Variants in KIF1A observed in about 807,000 individuals in gnomAD.
The protein encoded by KIF1A is kinesin-like protein KIF1A.
A neutral mutation model predicts 227.3 loss-of-function variants in KIF1A; 46 were observed. The ratio of observed to expected loss-of-function variants is 0.20; its 90% CI spans 0.16 to 0.26. The LOEUF is 0.26. Ranked by LOEUF, KIF1A falls within the 10% of genes least tolerant of loss-of-function variation. KIF1A has a pLI of 1.00. For synonymous variants in KIF1A, 1,022 were observed against 1,012.8 expected, an observed-to-expected ratio of 1.01 and a Z score of -0.17; for missense variants, 1,683 against 2,485.9, an observed-to-expected ratio of 0.68 and a Z score of 6.87.
chr2:240,720,875 G>A (rs2045278697), intron 45 of KIF1A, 39 bp downstream of exon 45: 1 of 1,520,484 alleles, frequency 6.6e-7, no homozygotes, highest in Non-Finnish European at 8.9e-7. Flanking sequence ...GGTCAGCCGT[G>A]GTGCCAGAAG....
At chr2:240,771,275 C>T (rs745544218) in intron 14 of KIF1A, 171 bp from the exon 15 acceptor site, 26 of 799,720 alleles carry the variant, frequency 3.3e-5, no homozygotes, top group Non-Finnish European at 5.1e-5. Context: ...CCAGAGAAGG[C>T]AAGAAACAGA....
In KIF1A at chr2:240,786,449, T is replaced by C; in HGVS notation, c.494A>G (p.Asn165Ser). ...RDLLNPKNKG[N>S]LRVREHPLLG... Reference sequence around the variant, plus strand: ...CAGTGGGTGCTCCCTCACGCGAAGGTTGCCCTTGTTCTTGGGGTTCAGGAG... The same window carrying C: ...CAGTGGGTGCTCCCTCACGCGAAGGCTGCCCTTGTTCTTGGGGTTCAGGAG... The change falls in exon 6 of 49, where the codon AAC (asparagine) becomes AGC (serine). Residue 165 changes from asparagine (N) to serine (S), a missense_variant. Physicochemically the swap from Asn to Ser is conservative, Grantham distance 46 (BLOSUM62 1). Transcript: ENST00000498729. The C allele has an allele frequency of 5.6e-6, 9 of 1,613,586 alleles. No homozygotes were observed. The highest frequency in any genetic ancestry group is 7.6e-6 in the Non-Finnish European group (9 of 1,179,758).
At chr2:240,748,013 G>A (rs1292910790) in intron 28 of KIF1A, among the ~76,000 whole-genome samples, 3 of 152,226 alleles carry the variant, frequency 2.0e-5, no homozygotes, top group African/African-American at 7.2e-5. Context: ...CCTTTTCTAA[G>A]TTCCCTTCTC....
intron 43 of KIF1A, among the ~76,000 whole-genome samples, chr2:240,722,128 C>T (rs2045471481): frequency 6.6e-6 from 1 of 152,350 alleles, no homozygotes. Flanking sequence ...GCCTCCAGTG[C>T]AGGAGGCGCA....
Position 240,778,310 on chromosome 2 carries a change from C to T in KIF1A, c.883-2384G>A, listed in dbSNP as rs921814535. Among the ~76,000 whole-genome samples, 1 of 152,004 alleles carries T rather than the reference C, an allele frequency of 6.6e-6. No homozygotes were observed. The highest frequency in any genetic ancestry group is 1.9e-4 in the East Asian group (1 of 5,188). ...TCACCTAGGTCTCTACATAGGGCCT[C>T]GTTACACAGGCGTTCCTCACCATTC... On this transcript the variant is annotated intron_variant, in intron 10 of 48. Coordinates refer to ENST00000498729, the MANE Select transcript of KIF1A (RefSeq NM_001244008.2). The surrounding 1 kb of genome is among the most constrained non-coding windows in gnomAD (Gnocchi z 7.2).
In KIF1A at chr2:240,788,034, C is replaced by CCCCCCCCCCCTAGT; in HGVS notation, c.363+16_363+17insACTAGGGGGGGGGG. The stretch of plus-strand genomic sequence containing the variant: ...CCCATCTGCCAGGGCTGCCCCCGCC[C>CCCCCCCCCCCTAGT]GCCCCCCGCTTCGTGCCTGTGGGAT... On this transcript the variant is annotated intron_variant, in intron 4 of 48. Coordinates refer to ENST00000498729, the MANE Select transcript of KIF1A (RefSeq NM_001244008.2). The surrounding 1 kb of genome is among the most constrained non-coding windows in gnomAD (Gnocchi z 6.6). The CCCCCCCCCCCTAGT allele has an allele frequency of 6.9e-7, 1 of 1,449,062 alleles. No individual in the cohort carries two copies. Among genetic ancestry groups the CCCCCCCCCCCTAGT allele is most frequent in the African/African-American group, 1.4e-5 (1 of 70,730 alleles). The allele number at this position is 1,449,062 out of a possible 1,614,324, so 89.8% of individuals were successfully genotyped here.
At chr2:240,812,955 A>ATCCGCCTTC (rs2058036576) in intron 1 of KIF1A, among the ~76,000 whole-genome samples, 52 of 59,338 alleles carry the variant, frequency 8.8e-4, no homozygotes, top group East Asian at 2.1e-3. Context: ...CCTTCACCTC[A>ATCCGCCTTC]AGGATCCACC....
rs1351280122 is a variant in KIF1A at position 240,792,229 on chromosome 2, A to C, written c.107-2917T>G. On this transcript the variant is annotated intron_variant, in intron 2 of 48. Coordinates refer to ENST00000498729, the MANE Select transcript of KIF1A (RefSeq NM_001244008.2). This position sits in a 1 kb window ranked among gnomAD's most constrained non-coding sequence, Gnocchi z 4.5. ...CCCCTCCTTCAGCAGCCTGCTTCTC[A>C]CAGAGACCTCCCCGATTCTGCTGGA... Among the ~76,000 whole-genome samples the C allele has an allele frequency of 2.6e-5, 4 of 152,150 alleles. No individual in the cohort carries two copies. Among genetic ancestry groups the C allele is most frequent in the Non-Finnish European group, 5.9e-5 (4 of 68,016 alleles).
intron 27 of KIF1A, among the ~76,000 whole-genome samples, chr2:240,753,948 T>G (rs1405266392): frequency 6.6e-6 from 1 of 152,136 alleles, no homozygotes; most frequent in Non-Finnish European, 1.5e-5. Flanking sequence ...CAGGGTTGGC[T>G]TCCATGGGCA....
At chr2:240,763,399 G>A (rs2050769242) in intron 20 of KIF1A, 53 bp from the exon 21 acceptor site, 1 of 1,495,816 alleles carries the variant, frequency 6.7e-7, no homozygotes, top group Admixed American at 2.2e-5. Context: ...TCAGGTCCCT[G>A]ATGGTCTCAA....
chr2:240,745,947 C>T (rs747410213), intron 30 of KIF1A, 38 bp from the exon 31 acceptor site: 7 of 1,592,810 alleles, frequency 4.4e-6, no homozygotes, highest in Non-Finnish European at 6.0e-6. Context: ...GACCTCCAGG[C>T]CATATTGTCT....
chr2:240,730,800 C>T (rs1222490174), intron 38 of KIF1A, among the ~76,000 whole-genome samples: 1 of 152,236 alleles, frequency 6.6e-6, no homozygotes, highest in African/African-American at 2.4e-5. Flanking sequence ...GCAGAGAACA[C>T]AGGCAGCCCA....
chr2:240,799,449 G>A (rs150964533), intron 1 of KIF1A, among the ~76,000 whole-genome samples: 1 of 152,272 alleles, frequency 6.6e-6, no homozygotes, highest in Non-Finnish European at 1.5e-5. Flanking sequence ...ATGGCTAAGT[G>A]GGGACAAGTT....
At chr2:240,777,576 G>A (rs914187748) in intron 10 of KIF1A, among the ~76,000 whole-genome samples, 3 of 152,130 alleles carry the variant, frequency 2.0e-5, no homozygotes, top group Non-Finnish European at 4.4e-5. Context: ...CCCAAGCCTG[G>A]AACGCTGACC....
At position 240,758,354 on chromosome 2, in the gene KIF1A, GC is replaced by G. The variant is rs1245211774; in HGVS notation, c.2582+5del. 4 of 1,607,294 alleles carry G rather than the reference GC, an allele frequency of 2.5e-6. No individual in the cohort carries two copies. The African/African-American group carries it at 5.3e-5, about 21-fold the overall frequency. ...CTCTCTGCCAAGGAAGGGAGGAGGC[GC>G]CCACCTGCCCACCAGCCGGAACCAG... On this transcript the variant is annotated splice_donor_5th_base_variant and intron_variant, in intron 26 of 48. Transcript: ENST00000498729. The surrounding 1 kb of genome is among the most constrained non-coding windows in gnomAD (Gnocchi z 5.2).
Position 240,790,120 on chromosome 2 carries a change from G to A in KIF1A, c.107-808C>T, listed in dbSNP as rs9917326. 9.0e-3 allele frequency among the ~76,000 whole-genome samples: 1,366 copies of A among 152,266 alleles called. 16 individuals carry two copies. The highest frequency in any genetic ancestry group is 0.031 in the African/African-American group (1,275 of 41,550). Reference sequence around the variant, plus strand: ...CATCCTTGCCCCCAGCATTTCCCAGGCCCTGGACGGGCCTGGACCCTGCAG... The same window carrying A: ...CATCCTTGCCCCCAGCATTTCCCAGACCCTGGACGGGCCTGGACCCTGCAG... On this transcript the variant is annotated intron_variant, in intron 2 of 48. Coordinates refer to ENST00000498729, the MANE Select transcript of KIF1A (RefSeq NM_001244008.2). This position sits in a 1 kb window ranked among gnomAD's most constrained non-coding sequence, Gnocchi z 5.0.
intron 46 of KIF1A, among the ~76,000 whole-genome samples, 157 bp downstream of exon 46, chr2:240,719,617 G>A (rs768188427): frequency 1.3e-5 from 2 of 152,194 alleles, no homozygotes; most frequent in African/African-American, 4.8e-5. Context: ...GTGGGTCAGG[G>A]GCAGCCTGCC....
rs2047711135 is a variant in KIF1A, at chr2:240,739,449, G to A, written c.3901+609C>T. Among the ~76,000 whole-genome samples the A allele has an allele frequency of 1.3e-5, 2 of 152,228 alleles. No individual in the cohort carries two copies. Reference sequence around the variant, plus strand: ...ATATACGTGGAAGTCCTAACCTCCAGGACCTTCAAAGGGGACCTTATTTGG... The same window carrying A: ...ATATACGTGGAAGTCCTAACCTCCAAGACCTTCAAAGGGGACCTTATTTGG... On this transcript the variant is annotated intron_variant, in intron 37 of 48. Coordinates refer to ENST00000498729, the MANE Select transcript of KIF1A (RefSeq NM_001244008.2). This position sits in a 1 kb window ranked among gnomAD's most constrained non-coding sequence, Gnocchi z 5.6.
intron 6 of KIF1A, 121 bp from the exon 7 acceptor site, chr2:240,785,221 C>A: frequency 1.3e-6 from 1 of 795,296 alleles, no homozygotes; most frequent in Non-Finnish European, 2.1e-6. Context: ...ACCCCAGGGG[C>A]CGCCCTGCTG....
Sources: allele counts gnomAD v4.1 joint callset (sites outside exome capture counted in the v4.1 genomes callset), GRCh38; gene constraint gnomAD v4.1.1; non-coding constraint Gnocchi (gnomAD v3.1); transcripts MANE v1.5; gene names NCBI Gene and HGNC (gene_info 2026-07-23, HGNC 2026-07-21).